The following PLGLB1 variants were observed in gnomAD, a reference collection of about 807,000 sequenced individuals.
The protein encoded by PLGLB1 is plasminogen like B1.
chr2:87,018,522 G>T (rs1682365514), intron 1 of PLGLB1: 1 of 110,810 alleles, frequency 9.0e-6, no homozygotes, highest in Non-Finnish European at 1.7e-5. Context: ...AAACACTGGA[G>T]GGTAAGAAGC....
At chr2:87,020,668 G>GT (rs1682400888) in intron 1 of PLGLB1, among the ~76,000 whole-genome samples, 1 of 123,066 alleles carries the variant, frequency 8.1e-6, no homozygotes, top group Admixed American at 8.1e-5. Flanking sequence ...AGTGGAGTGC[G>GT]TTTTTGGGGG....
At chr2:87,014,813 C>T (rs1473270449) in intron 3 of PLGLB1, among the ~76,000 whole-genome samples, 20 of 125,308 alleles carry the variant, frequency 1.6e-4, no homozygotes, top group African/African-American at 5.1e-4. Flanking sequence ...TATATTTCTT[C>T]GAGATCAGGT....
At chr2:87,016,099 A>AAAATT (rs1385735496) in intron 3 of PLGLB1, 1 of 132,734 alleles carries the variant, frequency 7.5e-6, no homozygotes, top group Non-Finnish European at 1.4e-5. Context: ...TGAACAAAAA[A>AAAATT]AAATTAAATC....
intron 3 of PLGLB1, chr2:87,013,513 CAGAGTA>C (rs1682273671): frequency 8.4e-6 from 1 of 119,614 alleles, no homozygotes; most frequent in Non-Finnish European, 1.7e-5. Flanking sequence ...CATGATGAGA[CAGAGTA>C]AGAGAATGGG....
intron 1 of PLGLB1, among the ~76,000 whole-genome samples, chr2:87,020,795 GC>G (rs1326534874): frequency 6.8e-6 from 1 of 146,776 alleles, no homozygotes; most frequent in African/African-American, 2.7e-5. Flanking sequence ...TCTCAATAAA[GC>G]TTTTTTTTAA....
rs1011917052 is a variant in PLGLB1, at chr2:87,010,709, A to G, written c.*2412T>C. Among the ~76,000 whole-genome samples the G allele has an allele frequency of 4.8e-5, 1 of 21,044 alleles. No individual in the cohort carries two copies. The highest frequency in any genetic ancestry group is 7.8e-5 in the Non-Finnish European group (1 of 12,896). The allele number at this position is 21,044 out of a possible 152,430, so 13.8% of individuals were successfully genotyped here. ...GCTCACCTGAGGTCGAGAGTTCAAG[A>G]CCAGCCTGACCAACATGGAGAAACC... On this transcript the variant is annotated 3_prime_UTR_variant, in exon 4 of 4. Coordinates refer to ENST00000355705, the MANE Select transcript of PLGLB1 (RefSeq NM_001032392.4).
intron 1 of PLGLB1, among the ~76,000 whole-genome samples, chr2:87,021,058 T>C (rs1682410993): frequency 8.7e-5 from 13 of 149,846 alleles, no homozygotes; most frequent in Admixed American, 8.0e-4. Context: ...AATAAGCTAG[T>C]ATTTGTAAAG....
In PLGLB1 at chr2:87,013,374, A is replaced by C. The variant is rs1461090802; in HGVS notation, c.*2-255T>G. 6 of 132,698 alleles carry C rather than the reference A, an allele frequency of 4.5e-5. 1 individual carries two copies. The highest frequency in any genetic ancestry group is 1.2e-4 in the African/African-American group (2 of 17,044). The allele number at this position is 132,698 out of a possible 1,614,324, so 8.2% of individuals were successfully genotyped here. A position where few individuals can be genotyped will look rare whatever the true frequency, so the allele number is the denominator to read the frequency against. ...AGGATGCTGGGGACACACGGGGCAC[A>C]GTGCAGCCAGAGGCTTGGCCATCAT... On this transcript the variant is annotated intron_variant, in intron 3 of 3. Coordinates refer to ENST00000355705, the MANE Select transcript of PLGLB1 (RefSeq NM_001032392.4).
Position 87,014,290 on chromosome 2 carries a change from A to ATGT in PLGLB1, c.*2-1174_*2-1172dup, listed in dbSNP as rs1433737399. On this transcript the variant is annotated intron_variant, in intron 3 of 3. Transcript: ENST00000355705. Reference sequence around the variant, plus strand: ...CTTGTGTTTTCAATGAAAATATAAAATGTTTAAGGTATATTTGCACCATCA... The same window carrying ATGT: ...CTTGTGTTTTCAATGAAAATATAAAATGTTGTTTAAGGTATATTTGCACCATCA... 1.4e-4 allele frequency among the ~76,000 whole-genome samples: 16 copies of ATGT among 110,496 alleles called. No homozygotes were observed. In the East Asian group the frequency reaches 3.5e-3, roughly 24 times the overall value. The allele number at this position is 110,496 out of a possible 152,430, so 72.5% of individuals were successfully genotyped here. A position where few individuals can be genotyped will look rare whatever the true frequency, so the allele number is the denominator to read the frequency against.
intron 3 of PLGLB1, chr2:87,013,707 C>A (rs1225278077): frequency 1.3e-4 from 2 of 15,502 alleles, no homozygotes; most frequent in African/African-American, 3.7e-4. Context: ...TCAACCAACT[C>A]ACCAGTTAGA....
intron 2 of PLGLB1, among the ~76,000 whole-genome samples, chr2:87,017,136 G>C (rs1682351033): frequency 6.8e-6 from 1 of 146,828 alleles, no homozygotes; most frequent in East Asian, 2.0e-4. Context: ...AGCTCACTTA[G>C]GCTGTCTTTT....
rs1682226917 is a variant in PLGLB1 at position 87,011,752 on chromosome 2, G to GAA, written c.*1367_*1368dup. Among the ~76,000 whole-genome samples the GAA allele has an allele frequency of 8.4e-6, 1 of 119,628 alleles. No homozygotes were observed. 78.5% of individuals were successfully genotyped at this position (119,628 alleles called of 152,430 possible). On this transcript the variant is annotated 3_prime_UTR_variant, in exon 4 of 4. Coordinates refer to ENST00000355705, the MANE Select transcript of PLGLB1 (RefSeq NM_001032392.4). Reference sequence around the variant, plus strand: ...AACTTGCCTAAGCATAAATAGCTATGAAGAAGCAGATCAAGAAGTCAAAGT... The same window carrying GAA: ...AACTTGCCTAAGCATAAATAGCTATGAAAAGAAGCAGATCAAGAAGTCAAAGT...
intron 1 of PLGLB1, among the ~76,000 whole-genome samples, chr2:87,020,876 A>C (rs373674397): frequency 6.8e-6 from 1 of 148,006 alleles, no homozygotes; most frequent in Non-Finnish European, 1.5e-5. Context: ...ACAAAGCTGA[A>C]AAGTGAGAAG....
chr2:87,021,222 C>A (rs1235456989), intron 1 of PLGLB1, among the ~76,000 whole-genome samples: 2 of 88,890 alleles, frequency 2.2e-5, no homozygotes, highest in Non-Finnish European at 4.6e-5. Flanking sequence ...GGATTAGAGG[C>A]AAACGTATAC....
rs1281262230 is a variant in PLGLB1 at position 87,010,854 on chromosome 2, T to C, written c.*2267A>G. On this transcript the variant is annotated 3_prime_UTR_variant, in exon 4 of 4. Transcript: ENST00000355705. ...CCCGGAGGCGGAGGTTGTGGTGAGC[T>C]GAGATCGCACCATTGCACTCTAGCC... Among the ~76,000 whole-genome samples the C allele has an allele frequency of 3.6e-4, 25 of 69,722 alleles. No homozygotes were observed. Among genetic ancestry groups the C allele is most frequent in the Non-Finnish European group, 5.7e-4 (22 of 38,552 alleles). The allele number at this position is 69,722 out of a possible 152,430, so 45.7% of individuals were successfully genotyped here. A position where few individuals can be genotyped will look rare whatever the true frequency, so the allele number is the denominator to read the frequency against.
chr2:87,017,071 T>C (rs1366528485), intron 2 of PLGLB1, among the ~76,000 whole-genome samples: 1 of 143,506 alleles, frequency 7.0e-6, no homozygotes, highest in Non-Finnish European at 1.6e-5. Flanking sequence ...TGCCTCAACC[T>C]TAGGCACTGT....
intron 1 of PLGLB1, among the ~76,000 whole-genome samples, chr2:87,019,359 T>C (rs1682383938): frequency 7.6e-6 from 1 of 132,138 alleles, no homozygotes; most frequent in Admixed American, 7.3e-5. Context: ...ATTTAAGACA[T>C]TCCGGGCTGG....
At chr2:87,020,898 C>T (rs1442982591) in intron 1 of PLGLB1, among the ~76,000 whole-genome samples, 10 of 150,282 alleles carry the variant, frequency 6.7e-5, no homozygotes, top group Admixed American at 6.6e-4. Context: ...GCCCTAGATT[C>T]CTTCTGGGAA....
chr2:87,013,606 C>T (rs960855740), intron 3 of PLGLB1: 1 of 34,266 alleles, frequency 2.9e-5, no homozygotes, highest in African/African-American at 1.6e-4. Context: ...TTTCTTCAGG[C>T]TCCCAGTGAT....
Sources: gnomAD v4.1 joint callset for allele counts (sites outside exome capture counted in the v4.1 genomes callset) on GRCh38, gnomAD v4.1.1 for gene constraint, MANE v1.5 for transcripts, NCBI Gene and HGNC (gene_info 2026-07-23, HGNC 2026-07-21) for gene names.